Variants in HPS1 observed in about 807,000 individuals in gnomAD.
HPS1 encodes the protein HPS1 biogenesis of lysosomal organelles complex 3 subunit 1.
A neutral mutation model predicts 90.6 loss-of-function variants in HPS1; 59 were observed. The observed-to-expected ratio is 0.65, with a 90% confidence interval of 0.53 to 0.81. The LOEUF is 0.81. Ranked by LOEUF, HPS1 falls within the 30% of genes least tolerant of loss-of-function variation. The pLI is 0.00. For missense variants in HPS1, 849 were observed against 896.7 expected, an observed-to-expected ratio of 0.95 and a Z score of 0.68; for synonymous variants, 388 against 384.4, an observed-to-expected ratio of 1.01 and a Z score of -0.11.
In HPS1 at chr10:98,422,460, G is replaced by A. The variant is rs1268623165; in HGVS notation, c.1652C>T (p.Thr551Ile). 4 of 1,614,088 alleles carry A rather than the reference G, an allele frequency of 2.5e-6. No individual in the cohort carries two copies. The highest frequency in any genetic ancestry group is 2.5e-6 in the Non-Finnish European group (3 of 1,179,916). The change falls in exon 17 of 20, where the codon ACT (threonine) becomes ATT (isoleucine). Residue 551 changes from threonine (T) to isoleucine (I), a missense_variant. Physicochemically the swap from Thr to Ile is moderately conservative, Grantham distance 89 (BLOSUM62 -1). Transcript: ENST00000361490. ...GAGGGAAGGCGCCACCATCTGCCCAGTGGTGCGGTCCACATAGATGAAGTG... is the reference window on the plus strand; with the variant it reads ...GAGGGAAGGCGCCACCATCTGCCCAATGGTGCGGTCCACATAGATGAAGTG... ...LVHFIYVDRT[T>I]GQMVAPSLNC...
chr10:98,423,314 T>G (rs1845155922), intron 16 of HPS1, among the ~76,000 whole-genome samples: 1 of 119,998 alleles, frequency 8.3e-6, no homozygotes, highest in East Asian at 2.9e-4. Context: ...GTGGAATACC[T>G]ACTACCATTT....
rs1844121604 is a variant in HPS1 at position 98,416,393 on chromosome 10, T to G, written c.*1171A>C. The G allele has an allele frequency of 6.6e-6, 1 of 152,334 alleles. No homozygotes were observed. Among genetic ancestry groups the G allele is most frequent in the Admixed American group, 6.5e-5 (1 of 15,278 alleles). 9.4% of individuals were successfully genotyped at this position (152,334 alleles called of 1,614,324 possible). On this transcript the variant is annotated 3_prime_UTR_variant, in exon 20 of 20. Transcript: ENST00000361490. The stretch of plus-strand genomic sequence containing the variant: ...TTATGTTTTTCTGTATTTTCCACAA[T>G]CCACGCTTTTCATTGCCATTCCATC...
Position 98,422,434 on chromosome 10 carries a change from T to C in HPS1, c.1678A>G (p.Asn560Asp). Reference sequence around the variant, plus strand: ...TCCGACGAGGTCTTTTGACTGCAGTTGAGGGAAGGCGCCACCATCTGCCCA... The same window carrying C: ...TCCGACGAGGTCTTTTGACTGCAGTCGAGGGAAGGCGCCACCATCTGCCCA... ...TTGQMVAPSL[N>D]CSQKTSSELG... is the part of the protein sequence containing the mutation. The change falls in exon 17 of 20, where the codon AAC (asparagine) becomes GAC (aspartate). Residue 560 changes from asparagine to aspartate, a missense_variant. Asn to Asp is a conservative substitution (Grantham distance 23). Transcript: ENST00000361490. 1 of 1,614,162 alleles carries C rather than the reference T, an allele frequency of 6.2e-7. No homozygotes were observed. Among genetic ancestry groups the C allele is most frequent in the Non-Finnish European group, 8.5e-7 (1 of 1,180,020 alleles).
In HPS1 at chr10:98,443,162, G is replaced by T; in HGVS notation, c.79C>A (p.Arg27=). The part of the protein sequence containing the change: ...WTDQEFEESL[R]LKFGQSENEE... ...TTCTCTGACTGCCCGAACTTCAGCC[G>T]GAGACTCTCTTCAAACTCCTGATCT... The change falls in exon 3 of 20, where the codon CGG becomes AGG. Residue 27 remains arginine (R), a synonymous_variant. Coordinates refer to ENST00000361490, the MANE Select transcript of HPS1 (RefSeq NM_000195.5). 6.2e-7 allele frequency: 1 copy of T among 1,613,862 alleles called. No homozygotes were observed. The highest frequency in any genetic ancestry group is 1.7e-4 in the Middle Eastern group (1 of 6,060).
intron 3 of HPS1, among the ~76,000 whole-genome samples, chr10:98,441,996 C>T (rs969167560): frequency 6.6e-6 from 1 of 152,234 alleles, no homozygotes; most frequent in African/African-American, 2.4e-5. Context: ...GACATGAAAG[C>T]ATCCATGTAT....
At chr10:98,422,328 GCTGAGGCCC>G in intron 17 of HPS1, 32 bp downstream of exon 17, 1 of 1,607,000 alleles carries the variant, frequency 6.2e-7, no homozygotes, top group South Asian at 1.1e-5. Context: ...CCCAATATTG[GCTGAGGCCC>G]ACCCATCCCC....
chr10:98,414,921 T>G, downstream of HPS1: 1 of 1,540,032 alleles, frequency 6.5e-7, no homozygotes, highest in Middle Eastern at 1.7e-4. Context: ...GCAGTGGGGC[T>G]TGGCTCCCCC....
intron 10 of HPS1, among the ~76,000 whole-genome samples, chr10:98,427,545 AATGGT>A (rs931402113): frequency 6.6e-6 from 1 of 152,158 alleles, no homozygotes; most frequent in Admixed American, 6.5e-5. Flanking sequence ...CATGTTTGGT[AATGGT>A]GGTCAGGGGG....
chr10:98,436,715 G>C (rs910336534), intron 3 of HPS1, among the ~76,000 whole-genome samples: 1 of 152,196 alleles, frequency 6.6e-6, no homozygotes, highest in East Asian at 1.9e-4. Context: ...TAAAAAGAAA[G>C]GAAGAAAACA....
At chr10:98,425,415 C>T in intron 13 of HPS1, 126 bp downstream of exon 13, 1 of 884,800 alleles carries the variant, frequency 1.1e-6, no homozygotes, top group Non-Finnish European at 1.8e-6. Context: ...GGATCGTAGG[C>T]CCGGGGGAGG....
chr10:98,425,617 C>A lies in HPS1; in HGVS notation c.1259G>T (p.Arg420Leu), dbSNP rs947511620. The A allele has an allele frequency of 1.2e-6, 2 of 1,613,798 alleles. No homozygotes were observed. Among genetic ancestry groups the A allele is most frequent in the Non-Finnish European group, 8.5e-7 (1 of 1,179,902 alleles). ...KEGPEPGASL[R>L]SQPLVGDLRQ... The stretch of plus-strand genomic sequence containing the variant: ...CAGGTCTCCCACGAGGGGCTGGGAG[C>A]GCAGGGAGGCCCCGGGCTCCGGCCC... Residue 420 changes from arginine to leucine, a missense_variant, in exon 13 of 20, where the codon CGC becomes CTC. Coordinates refer to ENST00000361490, the MANE Select transcript of HPS1 (RefSeq NM_000195.5).
chr10:98,442,021 G>A (rs1134227), intron 3 of HPS1, among the ~76,000 whole-genome samples: 20,293 of 152,188 alleles, frequency 0.13, 1,868 homozygotes, highest in African/African-American at 0.26. Context: ...AGACTTGTAC[G>A]TGCATGTTCA....
chr10:98,422,921 T>C (rs1845079369), intron 16 of HPS1, among the ~76,000 whole-genome samples: 1 of 152,202 alleles, frequency 6.6e-6, no homozygotes, highest in Non-Finnish European at 1.5e-5. Flanking sequence ...CACTTCATCA[T>C]GAGAGTTTGG....
At chr10:98,432,696 T>C (rs908038003) in intron 6 of HPS1, among the ~76,000 whole-genome samples, 14 of 152,254 alleles carry the variant, frequency 9.2e-5, no homozygotes, top group African/African-American at 3.4e-4. Flanking sequence ...TATTTTTAAA[T>C]ATTTCATAGT....
At position 98,431,233 on chromosome 10, in the gene HPS1, C is replaced by T. The variant is rs376436969; in HGVS notation, c.566G>A (p.Arg189Gln). 71 of 1,613,886 alleles carry T rather than the reference C, an allele frequency of 4.4e-5. No homozygotes were observed. The highest frequency in any genetic ancestry group is 1.6e-4 in the Middle Eastern group (1 of 6,082). The change falls in exon 7 of 20, where the codon CGG (arginine) becomes CAG (glutamine). Residue 189 changes from arginine to glutamine, a missense_variant. By Grantham distance (43) the Arg-to-Gln change is conservative (BLOSUM62 1). Transcript: ENST00000361490. ...LCELCIEALE[R>Q]HVIQAVNTSP... ...GGTGTTGACAGCCTGGATGACGTGCCGCTCCAGCGCCTCTATGCACAGCTC... is the reference window on the plus strand; with the variant it reads ...GGTGTTGACAGCCTGGATGACGTGCTGCTCCAGCGCCTCTATGCACAGCTC...
chr10:98,423,279 A>ACCG (rs1554887467), intron 16 of HPS1, among the ~76,000 whole-genome samples: 30,435 of 131,694 alleles, frequency 0.23, 3,525 homozygotes, highest in South Asian at 0.38. Context: ...GACCACAGGA[A>ACCG]CCCCCCCCCC....
At position 98,435,621 on chromosome 10, in the gene HPS1, A is replaced by G. The variant is rs772586410; in HGVS notation, c.255+14T>C. The G allele has an allele frequency of 6.2e-7, 1 of 1,614,012 alleles. No homozygotes were observed. Among genetic ancestry groups the G allele is most frequent in the Non-Finnish European group, 8.5e-7 (1 of 1,179,974 alleles). On this transcript the variant is annotated intron_variant, in intron 4 of 19. Coordinates refer to ENST00000361490, the MANE Select transcript of HPS1 (RefSeq NM_000195.5). The surrounding 1 kb of genome is among the most constrained non-coding windows in gnomAD (Gnocchi z 4.3). The stretch of plus-strand genomic sequence containing the variant: ...GAGGGAAGAGGAACATGGGCCCCAG[A>G]GCTATAGACTCACCAGGTGAAGGAC...
At chr10:98,439,929 G>A (rs1261831255) in intron 3 of HPS1, among the ~76,000 whole-genome samples, 1 of 152,108 alleles carries the variant, frequency 6.6e-6, no homozygotes, top group African/African-American at 2.4e-5. Context: ...TCTTGTGACA[G>A]TGAGTTCTCA....
At chr10:98,440,635 T>C (rs1294834947) in intron 3 of HPS1, among the ~76,000 whole-genome samples, 2 of 152,084 alleles carry the variant, frequency 1.3e-5, no homozygotes, top group Non-Finnish European at 2.9e-5. Flanking sequence ...CATGGAATTA[T>C]AGGTCATTTA....
Sources: allele counts gnomAD v4.1 joint callset (sites outside exome capture counted in the v4.1 genomes callset), GRCh38; gene constraint gnomAD v4.1.1; non-coding constraint Gnocchi (gnomAD v3.1); transcripts MANE v1.5; gene names NCBI Gene and HGNC (gene_info 2026-07-23, HGNC 2026-07-21).